Variants in BEGAIN observed in about 807,000 individuals in gnomAD.
BEGAIN encodes the protein brain-enriched guanylate kinase-associated protein.
In BEGAIN, 19 loss-of-function variants were observed where a neutral mutation model predicts 35.8. That is an observed-to-expected ratio of 0.53 (90% CI 0.37 to 0.78). The LOEUF (loss-of-function observed/expected upper bound fraction) is 0.78, where lower values mean the gene tolerates loss of function less well. Ranked by LOEUF, BEGAIN falls within the 30% of genes least tolerant of loss-of-function variation. The pLI is 0.00. For synonymous variants in BEGAIN, 462 were observed against 388.6 expected (o/e 1.19, Z -2.22); for missense variants, 795 against 853.6 (o/e 0.93, Z 0.85).
intron 2 of BEGAIN, among the ~76,000 whole-genome samples, chr14:100,553,625 C>T (rs1427726653): frequency 6.6e-6 from 1 of 152,162 alleles, no homozygotes. Flanking sequence ...TCTCCCTTCT[C>T]TGTGTGTCCC....
Position 100,566,019 on chromosome 14 carries a change from A to T in BEGAIN, c.71+1892T>A, listed in dbSNP as rs184153604. ...AGAAACCCACTGGGGCAGCCCCGAC[A>T]CTGGCCAGAAGGGAAGATTCTGGAA... is the stretch of plus-strand genomic sequence containing the variant. On this transcript the variant is annotated intron_variant, in intron 2 of 6. Coordinates refer to ENST00000554140, the MANE Select transcript of BEGAIN (RefSeq NM_001385089.1). 1.1e-4 allele frequency among the ~76,000 whole-genome samples: 16 copies of T among 152,306 alleles called. No individual in the cohort carries two copies. The East Asian group carries it at 2.9e-3, about 28-fold the overall frequency.
intron 3 of BEGAIN, among the ~76,000 whole-genome samples, chr14:100,545,748 A>G (rs566155127): frequency 6.6e-6 from 1 of 152,324 alleles, no homozygotes; most frequent in East Asian, 1.9e-4. Context: ...TGCACTGCCC[A>G]AGCTTGGTTT....
Position 100,538,390 on chromosome 14 carries a change from C to T in BEGAIN, c.1418G>A (p.Gly473Asp). 3 of 1,526,452 alleles carry T rather than the reference C, an allele frequency of 2.0e-6. No homozygotes were observed. Among genetic ancestry groups the T allele is most frequent in the Non-Finnish European group, 2.6e-6 (3 of 1,143,254 alleles). 94.6% of individuals were successfully genotyped at this position (1,526,452 alleles called of 1,614,324 possible). A position where few individuals can be genotyped will look rare whatever the true frequency, so the allele number is the denominator to read the frequency against. ...FSERYYGGAGGSPGKKADGRA... is the reference protein window; with the variant it reads ...FSERYYGGAGDSPGKKADGRA... The stretch of plus-strand genomic sequence containing the variant: ...GCCGTCGGCCTTCTTGCCCGGGCTG[C>T]CCCCGGCCCCGCCGTAGTAGCGTTC... The change falls in exon 7 of 7, where the codon GGC becomes GAC. Residue 473 changes from glycine (G) to aspartate (D), a missense_variant. Transcript: ENST00000554140.
At position 100,537,720 on chromosome 14, in the gene BEGAIN, T is replaced by TG; in HGVS notation, c.*248dup. ...TAAAAGGGGGGATGCTCCTCTCACA[T>TG]GGGGGAAGGACGCGTGAAAAACGCT... On this transcript the variant is annotated 3_prime_UTR_variant, in exon 7 of 7. Transcript: ENST00000554140. 1 of 452,140 alleles carries TG rather than the reference T, an allele frequency of 2.2e-6. No homozygotes were observed. Among genetic ancestry groups the TG allele is most frequent in the South Asian group, 4.5e-5 (1 of 22,354 alleles). The allele number at this position is 452,140 out of a possible 1,614,324, so 28.0% of individuals were successfully genotyped here.
intron 2 of BEGAIN, among the ~76,000 whole-genome samples, chr14:100,555,192 A>C (rs565084220): frequency 6.6e-6 from 1 of 152,344 alleles, no homozygotes; most frequent in African/African-American, 2.4e-5. Context: ...GCCCCCCGCC[A>C]GGGCCGTCTG....
Position 100,570,505 on chromosome 14 carries a change from T to A in BEGAIN, c.43-2566A>T, listed in dbSNP as rs550681216. Among the ~76,000 whole-genome samples the A allele has an allele frequency of 9.7e-3, 1,478 of 152,350 alleles. 28 individuals carry two copies. The highest frequency in any genetic ancestry group is 0.034 in the African/African-American group (1,407 of 41,578). On this transcript the variant is annotated intron_variant, in intron 1 of 6. Coordinates refer to ENST00000554140, the MANE Select transcript of BEGAIN (RefSeq NM_001385089.1). ...AGGCTGTATCCTCCATGCGGCCCTC[T>A]GTGGGAACTCTGGGGAGTCACTGAG... is the stretch of plus-strand genomic sequence containing the variant.
intron 2 of BEGAIN, among the ~76,000 whole-genome samples, chr14:100,557,726 C>T (rs1296991234): frequency 9.2e-5 from 14 of 152,166 alleles, no homozygotes; most frequent in Non-Finnish European, 1.5e-5. Context: ...CACAGACTGA[C>T]TCAGGGATCC....
In BEGAIN at chr14:100,538,718, C is replaced by G; in HGVS notation, c.1090G>C (p.Gly364Arg). The G allele has an allele frequency of 6.4e-7, 1 of 1,565,910 alleles. No individual in the cohort carries two copies. Among genetic ancestry groups the G allele is most frequent in the Non-Finnish European group, 8.7e-7 (1 of 1,155,818 alleles). ...DRKPPATTYE[G>R]SPRFAKATAA... is the part of the protein sequence containing the mutation. ...GTGGCCTTGGCAAAGCGAGGGCTGC[C>G]CTCGTAGGTGGTGGCGGGTGGCTTG... The change falls in exon 7 of 7, where the codon GGC becomes CGC. Residue 364 changes from glycine (G) to arginine (R), a missense_variant. By Grantham distance (125) the Gly-to-Arg change is moderately radical (BLOSUM62 -2). This residue lies in a region of BEGAIN where 664 missense variants were observed against 647.7 expected (regional missense o/e 1.03). Coordinates refer to ENST00000554140, the MANE Select transcript of BEGAIN (RefSeq NM_001385089.1).
At chr14:100,579,310 G>A (rs1446502519) in intron 1 of BEGAIN, among the ~76,000 whole-genome samples, 1 of 152,250 alleles carries the variant, frequency 6.6e-6, no homozygotes, top group Non-Finnish European at 1.5e-5. Context: ...CTATGAGCAA[G>A]AGCCTTTGGC....
chr14:100,540,452 G>A (rs565186455), intron 6 of BEGAIN, 44 bp downstream of exon 6: 21 of 1,446,658 alleles, frequency 1.5e-5, no homozygotes, highest in Non-Finnish European at 1.7e-5. Flanking sequence ...AAAGGAGCCC[G>A]GTGGTCCCGG....
At chr14:100,542,761 T>C (rs775376773) in intron 5 of BEGAIN, among the ~76,000 whole-genome samples, 3 of 152,226 alleles carry the variant, frequency 2.0e-5, no homozygotes, top group African/African-American at 4.8e-5. Context: ...TTTTGGACTA[T>C]GGTCCTGGCC....
intron 3 of BEGAIN, 112 bp downstream of exon 3, chr14:100,546,389 C>A (rs1244625505): frequency 1.6e-5 from 1 of 63,472 alleles, no homozygotes; most frequent in African/African-American, 8.6e-5. Context: ...GCCCTCGCCC[C>A]GCCCCGGCCC....
rs1480162938 is a variant in BEGAIN, at chr14:100,558,149, C to T, written c.71+9762G>A. ...TGCTCTTCCCATATTGAGAACAACCCTCTCTTCACCCTCCAGGTACAGTCC... is the reference window on the plus strand; with the variant it reads ...TGCTCTTCCCATATTGAGAACAACCTTCTCTTCACCCTCCAGGTACAGTCC... On this transcript the variant is annotated intron_variant, in intron 2 of 6. Coordinates refer to ENST00000554140, the MANE Select transcript of BEGAIN (RefSeq NM_001385089.1). This position sits in a 1 kb window ranked among gnomAD's most constrained non-coding sequence, Gnocchi z 4.6. Among the ~76,000 whole-genome samples the T allele has an allele frequency of 6.6e-6, 1 of 152,062 alleles. No homozygotes were observed. Among genetic ancestry groups the T allele is most frequent in the African/African-American group, 2.4e-5 (1 of 41,416 alleles).
chr14:100,545,376 C>A, intron 3 of BEGAIN: 1 of 1,199,202 alleles, frequency 8.3e-7, no homozygotes, highest in Non-Finnish European at 1.0e-6. Context: ...ACACGCGGAG[C>A]CAGTTTACTC....
Position 100,587,236 on chromosome 14 carries a change from C to T in BEGAIN, c.42+13G>A, listed in dbSNP as rs936251561. On this transcript the variant is annotated intron_variant, in intron 1 of 6. Transcript: ENST00000554140. ...GCGCCCGCGCCCTGCCCTCCCGGCTCGCAGGTACTCACCGCCCGGCGCAGC... is the reference window on the plus strand; with the variant it reads ...GCGCCCGCGCCCTGCCCTCCCGGCTTGCAGGTACTCACCGCCCGGCGCAGC... The T allele has an allele frequency of 3.1e-5, 6 of 195,748 alleles. No homozygotes were observed. The highest frequency in any genetic ancestry group is 1.1e-4 in the Admixed American group (2 of 18,212). The allele number at this position is 195,748 out of a possible 1,614,324, so 12.1% of individuals were successfully genotyped here.
rs538161297 is a variant in BEGAIN at position 100,586,785 on chromosome 14, C to T, written c.42+464G>A. On this transcript the variant is annotated intron_variant, in intron 1 of 6. Transcript: ENST00000554140. The surrounding 1 kb of genome is among the most constrained non-coding windows in gnomAD (Gnocchi z 4.9). ...TCAATGAGGCGGCCCCGGGTCCAGC[C>T]TCCTTCCGGCTCCCGGGCCTTTCTC... is the stretch of plus-strand genomic sequence containing the variant. Among the ~76,000 whole-genome samples the T allele has an allele frequency of 1.3e-5, 2 of 152,342 alleles. No homozygotes were observed. Among genetic ancestry groups the T allele is most frequent in the African/African-American group, 4.8e-5 (2 of 41,594 alleles).
At chr14:100,559,650 G>A (rs1026026757) in intron 2 of BEGAIN, among the ~76,000 whole-genome samples, 2 of 152,202 alleles carry the variant, frequency 1.3e-5, no homozygotes, top group East Asian at 1.9e-4. Flanking sequence ...TCAGCAGGAG[G>A]CCTGTTTTCT....
At chr14:100,557,419 C>T (rs942203044) in intron 2 of BEGAIN, among the ~76,000 whole-genome samples, 1 of 152,204 alleles carries the variant, frequency 6.6e-6, no homozygotes, top group South Asian at 2.1e-4. Flanking sequence ...AGATCCCAGA[C>T]CCTCTGTGAT....
At position 100,568,529 on chromosome 14, in the gene BEGAIN, T is replaced by C; in HGVS notation, c.43-590A>G. 7.8e-7 allele frequency: 1 copy of C among 1,286,050 alleles called. No individual in the cohort carries two copies. The highest frequency in any genetic ancestry group is 5.6e-5 in the East Asian group (1 of 17,826). The allele number at this position is 1,286,050 out of a possible 1,614,324, so 79.7% of individuals were successfully genotyped here. On this transcript the variant is annotated intron_variant, in intron 1 of 6. Coordinates refer to ENST00000554140, the MANE Select transcript of BEGAIN (RefSeq NM_001385089.1). This position sits in a 1 kb window ranked among gnomAD's most constrained non-coding sequence, Gnocchi z 7.5. Reference sequence around the variant, plus strand: ...CAGATTCTGGGGTTTTGGGCCTGGCTTGCCCCTCCCGGGCCCCAGGGATTA... The same window carrying C: ...CAGATTCTGGGGTTTTGGGCCTGGCCTGCCCCTCCCGGGCCCCAGGGATTA...
Sources: allele counts gnomAD v4.1 joint callset (sites outside exome capture counted in the v4.1 genomes callset), GRCh38; gene constraint gnomAD v4.1.1; regional missense constraint gnomAD v4.1.1; non-coding constraint Gnocchi (gnomAD v3.1); transcripts MANE v1.5; gene names NCBI Gene and HGNC (gene_info 2026-07-23, HGNC 2026-07-21).